NT5DC2: variants seen among roughly 807,000 people sequenced by gnomAD.
The protein encoded by NT5DC2 is 5'-nucleotidase domain containing 2.
A neutral mutation model predicts 70.0 loss-of-function variants in NT5DC2; 41 were observed. That is an observed-to-expected ratio of 0.59 (90% CI 0.46 to 0.76). The LOEUF (loss-of-function observed/expected upper bound fraction) is 0.76. NT5DC2 is among the 30% of genes least tolerant of loss of function. The pLI, the probability that NT5DC2 is intolerant of heterozygous loss-of-function variation, is 0.00. For missense variants in NT5DC2, 705 were observed against 783.2 expected (o/e 0.90, Z 1.19); for synonymous variants, 299 against 310.4 (o/e 0.96, Z 0.39).
At position 52,532,211 on chromosome 3, in the gene NT5DC2, C is replaced by T. The variant is rs1016737952; in HGVS notation, c.232+1295G>A. The T allele has an allele frequency of 5.1e-6, 5 of 985,316 alleles. No individual in the cohort carries two copies. In the African/African-American group the frequency reaches 8.7e-5, roughly 17 times the overall value. The allele number at this position is 985,316 out of a possible 1,614,324, so 61.0% of individuals were successfully genotyped here. ...TTTGCTCCTTGTATGACAAGAGGAG[C>T]TTAGAGGGCTGTGAGGCTCCAAAGA... On this transcript the variant is annotated intron_variant, in intron 1 of 13. Coordinates refer to ENST00000422318, the MANE Select transcript of NT5DC2 (RefSeq NM_001134231.2).
chr3:52,528,817 G>C (rs1196241087), intron 3 of NT5DC2, 44 bp downstream of exon 3: 3 of 1,606,520 alleles, frequency 1.9e-6, no homozygotes, highest in Non-Finnish European at 2.6e-6. Context: ...ACCATACCAA[G>C]AGGAGGCCAA....
intron 10 of NT5DC2, 82 bp from the exon 11 acceptor site, chr3:52,525,377 C>T: frequency 9.4e-7 from 1 of 1,063,818 alleles, no homozygotes; most frequent in South Asian, 1.4e-5. Context: ...CAGAGGCAGC[C>T]CAAATCCAGC....
At chr3:52,533,042 G>GTGTC (rs1047443464) in intron 1 of NT5DC2, among the ~76,000 whole-genome samples, 1 of 152,216 alleles carries the variant, frequency 6.6e-6, no homozygotes, top group African/African-American at 2.4e-5. Context: ...ACATCGAGGT[G>GTGTC]TGTCTGGGAA....
At chr3:52,533,929 C>CGGCGGGGCGG (rs900912486), upstream of NT5DC2, 344 of 736,124 alleles carry the variant, frequency 4.7e-4, 3 homozygotes, top group African/African-American at 6.1e-3. Flanking sequence ...GCCCCGGACC[C>CGGCGGGGCGG]GGCGGGGCGG....
chr3:52,531,239 C>T lies in NT5DC2; in HGVS notation c.233-1905G>A, dbSNP rs552957112. Among the ~76,000 whole-genome samples the T allele has an allele frequency of 2.1e-4, 32 of 152,214 alleles. No homozygotes were observed. Among genetic ancestry groups the T allele is most frequent in the Non-Finnish European group, 3.5e-4 (24 of 67,990 alleles). ...CCAGGCCAGCACAGAGCGGCTGCTC[C>T]GAAGATCTGTGGGTGTAGACAGGAG... On this transcript the variant is annotated intron_variant, in intron 1 of 13. Coordinates refer to ENST00000422318, the MANE Select transcript of NT5DC2 (RefSeq NM_001134231.2). The surrounding 1 kb of genome is among the most constrained non-coding windows in gnomAD (Gnocchi z 4.1).
rs1365365908 is a variant in NT5DC2 at position 52,533,803 on chromosome 3, C to CGCCGCCT, written c.-67_-66insAGGCGGC. 11,457 of 977,974 alleles carry CGCCGCCT rather than the reference C, an allele frequency of 0.012. 796 individuals carry two copies. The African/African-American group carries it at 0.16, about 14-fold the overall frequency. 60.6% of individuals were successfully genotyped at this position (977,974 alleles called of 1,614,324 possible). On this transcript the variant is annotated 5_prime_UTR_variant, in exon 1 of 14. Coordinates refer to ENST00000422318, the MANE Select transcript of NT5DC2 (RefSeq NM_001134231.2). ...AGCCCGCCGCCCGCCGCCCGCCGCCCTCCGACTGCGCGCCCGCCACGGTGG... is the reference window on the plus strand; with the variant it reads ...AGCCCGCCGCCCGCCGCCCGCCGCCCGCCGCCTTCCGACTGCGCGCCCGCCACGGTGG...
At chr3:52,533,429 C>T in intron 1 of NT5DC2, 77 bp downstream of exon 1, 3 of 1,389,060 alleles carry the variant, frequency 2.2e-6, no homozygotes, top group Non-Finnish European at 2.9e-6. Context: ...CCCGGAGGAG[C>T]GGCACCCTGG....
chr3:52,528,778 C>T (rs1050038504), intron 3 of NT5DC2, 83 bp downstream of exon 3: 12 of 1,600,114 alleles, frequency 7.5e-6, no homozygotes, highest in Non-Finnish European at 1.0e-5. Flanking sequence ...CATGCCAGAA[C>T]CCCAGCTGGA....
In NT5DC2 at chr3:52,524,573, G is replaced by C. The variant is rs1238156153; in HGVS notation, c.1571C>G (p.Pro524Arg). The change falls in exon 14 of 14, where the codon CCA (proline) becomes CGA (arginine). Residue 524 changes from proline (P) to arginine (R), a missense_variant. By Grantham distance (103) the Pro-to-Arg change is moderately radical (BLOSUM62 -2). Coordinates refer to ENST00000422318, the MANE Select transcript of NT5DC2 (RefSeq NM_001134231.2). ...LNYRVDFTFY[P>R]RRTPLQHEAP... ...CTCGTGCTGCAGCGGCGTACGGCGTGGGTAGAAGGTGAAGTCCACGCGGTA... is the reference window on the plus strand; with the variant it reads ...CTCGTGCTGCAGCGGCGTACGGCGTCGGTAGAAGGTGAAGTCCACGCGGTA... 1 of 1,613,152 alleles carries C rather than the reference G, an allele frequency of 6.2e-7. No homozygotes were observed. The highest frequency in any genetic ancestry group is 2.2e-5 in the East Asian group (1 of 44,884).
At chr3:52,532,737 A>T (rs981627892) in intron 1 of NT5DC2, among the ~76,000 whole-genome samples, 3 of 152,062 alleles carry the variant, frequency 2.0e-5, no homozygotes, top group African/African-American at 7.2e-5. Context: ...GGTCAGTGAT[A>T]GGGTCACGAC....
chr3:52,533,784 C>CCGCCCGT lies in NT5DC2; in HGVS notation c.-48_-47insACGGGCG. On this transcript the variant is annotated 5_prime_UTR_variant, in exon 1 of 14. Transcript: ENST00000422318. ...GCCCGCGCTGCCCTCGGCCAGCCCG[C>CCGCCCGT]CGCCCGCCGCCCGCCGCCCTCCGAC... 1 of 960,492 alleles carries CCGCCCGT rather than the reference C, an allele frequency of 1.0e-6. No individual in the cohort carries two copies. 59.5% of individuals were successfully genotyped at this position (960,492 alleles called of 1,614,324 possible).
intron 9 of NT5DC2, 78 bp downstream of exon 9, chr3:52,527,539 C>T: frequency 6.5e-7 from 1 of 1,537,102 alleles, no homozygotes; most frequent in Admixed American, 1.8e-5. Context: ...GCCAGGTTGG[C>T]CTCCTGCTTC....
intron 9 of NT5DC2, 94 bp downstream of exon 9, chr3:52,527,523 G>A: frequency 6.7e-7 from 1 of 1,486,708 alleles, no homozygotes; most frequent in South Asian, 1.2e-5. Flanking sequence ...TGGGCAGTGG[G>A]CAAGGGCCAG....
chr3:52,528,266 T>A lies in NT5DC2; in HGVS notation c.688A>T (p.Met230Leu), dbSNP rs1463567369. The A allele has an allele frequency of 6.2e-7, 1 of 1,613,338 alleles. No homozygotes were observed. Among genetic ancestry groups the A allele is most frequent in the South Asian group, 1.1e-5 (1 of 91,072 alleles). ...TCCACCACACAGGACAGCAGAGCCA[T>A]CTCCGGTAGCGAGAAGATGTCCATG... Reference protein sequence around the residue: ...QFMDIFSLPEMALLSCVVDYF... With the variant: ...QFMDIFSLPELALLSCVVDYF... The change falls in exon 6 of 14, where the codon ATG becomes TTG. Residue 230 changes from methionine (M) to leucine (L), a missense_variant. Physicochemically the swap from Met to Leu is conservative, Grantham distance 15. Coordinates refer to ENST00000422318, the MANE Select transcript of NT5DC2 (RefSeq NM_001134231.2).
upstream of NT5DC2, chr3:52,534,494 G>A (rs2079403780): frequency 1.2e-6 from 2 of 1,612,026 alleles, no homozygotes; most frequent in Non-Finnish European, 1.7e-6. Flanking sequence ...CGGTCACTGC[G>A]CCCGCTTGGT....
rs750038769 is a variant in NT5DC2, at chr3:52,524,999, C to A, written c.1311G>T (p.Trp437Cys). The A allele has an allele frequency of 2.5e-6, 4 of 1,611,036 alleles. No homozygotes were observed. Among genetic ancestry groups the A allele is most frequent in the Non-Finnish European group, 1.7e-6 (2 of 1,179,268 alleles). The part of the protein sequence containing the change: ...NTEQYMHSLT[W>C]QQALTGLLER... ...CCAGCAGCCCCGTGAGCGCCTGCTG[C>A]CACGTCAGCGAGTGCATGTACTGCT... Residue 437 changes from tryptophan (W) to cysteine (C), a missense_variant, in exon 12 of 14, where the codon TGG becomes TGT. Physicochemically the swap from Trp to Cys is radical, Grantham distance 215. Transcript: ENST00000422318.
Position 52,527,350 on chromosome 3 carries a change from C to G in NT5DC2, c.1063G>C (p.Gly355Arg). The change falls in exon 10 of 14, where the codon GGC becomes CGC. Residue 355 changes from glycine to arginine, a missense_variant. Gly to Arg is a moderately radical substitution (Grantham distance 125). Coordinates refer to ENST00000422318, the MANE Select transcript of NT5DC2 (RefSeq NM_001134231.2). ...RKPFRKLDEKGSLQWDRITRL... is the reference protein window; with the variant it reads ...RKPFRKLDEKRSLQWDRITRL... ...GTGATCCGGTCCCACTGAAGTGAGC[C>G]CTTCTCATCGAGTTTTCTGAAAGGC... 1 of 1,614,174 alleles carries G rather than the reference C, an allele frequency of 6.2e-7. No homozygotes were observed. Among genetic ancestry groups the G allele is most frequent in the Non-Finnish European group, 8.5e-7 (1 of 1,180,028 alleles).
At chr3:52,524,913 C>T (rs376259398) in intron 12 of NT5DC2, 32 bp from the exon 13 acceptor site, 37 of 1,611,790 alleles carry the variant, frequency 2.3e-5, no homozygotes, top group Non-Finnish European at 2.8e-5. Flanking sequence ...TGGGTGTGTG[C>T]ACCCAGGAGG....
At chr3:52,528,406 C>T in intron 5 of NT5DC2, 40 bp downstream of exon 5, 2 of 1,613,138 alleles carry the variant, frequency 1.2e-6, no homozygotes, top group Non-Finnish European at 8.5e-7. Context: ...GACATGGGCA[C>T]ATGTCCATGG....
Sources: allele counts gnomAD v4.1 joint callset (sites outside exome capture counted in the v4.1 genomes callset), GRCh38; gene constraint gnomAD v4.1.1; non-coding constraint Gnocchi (gnomAD v3.1); transcripts MANE v1.5; gene names NCBI Gene and HGNC (gene_info 2026-07-23, HGNC 2026-07-21).